Variants in KIF16B observed in about 807,000 individuals in gnomAD.
KIF16B encodes the protein kinesin-like protein KIF16B.
In KIF16B, 98 loss-of-function variants were observed where a neutral mutation model predicts 156.3. The ratio of observed to expected loss-of-function variants is 0.63; its 90% CI spans 0.53 to 0.74. The LOEUF (loss-of-function observed/expected upper bound fraction) is 0.74, where lower values mean the gene tolerates loss of function less well. Ranked by LOEUF, KIF16B falls within the 30% of genes least tolerant of loss-of-function variation. The pLI is 0.00. For synonymous variants in KIF16B, 564 were observed against 583.7 expected (o/e 0.97, Z 0.49); for missense variants, 1,421 against 1,606.5 (o/e 0.88, Z 1.97).
At chr20:16,483,298 C>T (rs1190745886) in intron 12 of KIF16B, among the ~76,000 whole-genome samples, 1 of 152,148 alleles carries the variant, frequency 6.6e-6, no homozygotes, top group Non-Finnish European at 1.5e-5. Flanking sequence ...AGCTAATAAA[C>T]CCCTGTACCA....
Position 16,512,863 on chromosome 20 carries a change from T to C in KIF16B, c.409A>G (p.Thr137Ala). 1 of 1,613,972 alleles carries C rather than the reference T, an allele frequency of 6.2e-7. No homozygotes were observed. The highest frequency in any genetic ancestry group is 8.5e-7 in the Non-Finnish European group (1 of 1,179,862). Reference sequence around the variant, plus strand: ...CGAAAAGAAGCTTCATCCCATCTGGTGGTTTCATTTATCCGACTGAAGAGT... The same window carrying C: ...CGAAAAGAAGCTTCATCCCATCTGGCGGTTTCATTTATCCGACTGAAGAGT... ...EGLFSRINET[T>A]RWDEASFRTE... Residue 137 changes from threonine to alanine, a missense_variant, in exon 5 of 26, where the codon ACC becomes GCC. Thr to Ala is a moderately conservative substitution (Grantham distance 58, BLOSUM62 0). Coordinates refer to ENST00000354981, the MANE Select transcript of KIF16B (RefSeq NM_024704.5).
Position 16,428,933 on chromosome 20 carries a change from T to A in KIF16B, c.1474+20A>T, listed in dbSNP as rs1228619672. 3.7e-6 allele frequency: 6 copies of A among 1,605,150 alleles called. No homozygotes were observed. In the Admixed American group the frequency reaches 6.7e-5, roughly 18 times the overall value. ...ACCTTAAAAAATCATTGGGAACAGATCACTGATAAATATGCTCACCAATAT... is the reference window on the plus strand; with the variant it reads ...ACCTTAAAAAATCATTGGGAACAGAACACTGATAAATATGCTCACCAATAT... On this transcript the variant is annotated intron_variant, in intron 14 of 25. Transcript: ENST00000354981.
intron 25 of KIF16B, among the ~76,000 whole-genome samples, chr20:16,305,418 T>C (rs2073395909): frequency 6.6e-6 from 1 of 152,252 alleles, no homozygotes; most frequent in Non-Finnish European, 1.5e-5. Flanking sequence ...TTTTTATTGA[T>C]ATGCTATAGT....
At chr20:16,537,080 C>G (rs1321186011) in intron 1 of KIF16B, among the ~76,000 whole-genome samples, 3 of 151,802 alleles carry the variant, frequency 2.0e-5, no homozygotes, top group Non-Finnish European at 4.4e-5. Flanking sequence ...GCCTCATCCT[C>G]TCTCACACAC....
chr20:16,345,116 G>A (rs1326525171), intron 23 of KIF16B, among the ~76,000 whole-genome samples: 3 of 152,112 alleles, frequency 2.0e-5, no homozygotes, highest in Admixed American at 6.5e-5. Context: ...TCCACCCATC[G>A]GTCTCAAGCA....
At chr20:16,312,775 C>CTTTTTTTTT (rs11087165) in intron 24 of KIF16B, among the ~76,000 whole-genome samples, 2 of 145,482 alleles carry the variant, frequency 1.4e-5, no homozygotes, top group African/African-American at 2.5e-5. Context: ...TCCTCCCACC[C>CTTTTTTTTT]TTTTTTTTTT....
At chr20:16,416,266 CT>C (rs2066084954) in intron 15 of KIF16B, among the ~76,000 whole-genome samples, 1 of 152,076 alleles carries the variant, frequency 6.6e-6, no homozygotes, top group African/African-American at 2.4e-5. Flanking sequence ...TTGGCAATTT[CT>C]TCATAAAAAT....
At chr20:16,420,226 A>G (rs191541956) in intron 15 of KIF16B, among the ~76,000 whole-genome samples, 3 of 150,938 alleles carry the variant, frequency 2.0e-5, no homozygotes, top group Non-Finnish European at 4.4e-5. Context: ...ACACTAACAG[A>G]TGAAAATATT....
chr20:16,318,377 A>C (rs2063727766), intron 24 of KIF16B, among the ~76,000 whole-genome samples: 1 of 152,188 alleles, frequency 6.6e-6, no homozygotes, highest in Admixed American at 6.5e-5. Flanking sequence ...AAAGAAGTAA[A>C]TAATACACAC....
intron 19 of KIF16B, among the ~76,000 whole-genome samples, chr20:16,375,521 C>T (rs1407058676): frequency 6.6e-6 from 1 of 152,044 alleles, no homozygotes; most frequent in African/African-American, 2.4e-5. Context: ...TTTAACTCAG[C>T]CCTTTCTGGG....
intron 12 of KIF16B, among the ~76,000 whole-genome samples, chr20:16,457,954 A>C (rs569889535): frequency 6.6e-6 from 1 of 152,272 alleles, no homozygotes; most frequent in East Asian, 1.9e-4. Flanking sequence ...AGCATGAGTG[A>C]GAGGAAAATT....
intron 23 of KIF16B, among the ~76,000 whole-genome samples, chr20:16,341,357 A>T (rs1235556472): frequency 6.6e-6 from 1 of 152,174 alleles, no homozygotes; most frequent in Non-Finnish European, 1.5e-5. Flanking sequence ...TATTCCTCTG[A>T]ATTGAGCTTA....
chr20:16,568,670 C>A (rs1336615989), intron 1 of KIF16B, among the ~76,000 whole-genome samples: 2 of 151,850 alleles, frequency 1.3e-5, no homozygotes, highest in Non-Finnish European at 2.9e-5. Context: ...TAAAAATTAG[C>A]CAAGTGTGGT....
At chr20:16,515,269 G>A (rs145262492) in intron 4 of KIF16B, among the ~76,000 whole-genome samples, 40 of 151,988 alleles carry the variant, frequency 2.6e-4, no homozygotes, top group African/African-American at 3.1e-4. Context: ...AATTACTTAC[G>A]GGCCCAACAC....
chr20:16,448,232 C>T (rs1021955612), intron 12 of KIF16B, among the ~76,000 whole-genome samples: 4 of 152,068 alleles, frequency 2.6e-5, no homozygotes, highest in South Asian at 4.1e-4. Flanking sequence ...GTGGAGGTAA[C>T]GGGAAGGGGC....
At chr20:16,322,687 A>G (rs1228532654) in intron 24 of KIF16B, among the ~76,000 whole-genome samples, 1 of 151,978 alleles carries the variant, frequency 6.6e-6, no homozygotes, top group Non-Finnish European at 1.5e-5. Context: ...ATTTTCTTCT[A>G]AGAGTTATCA....
intron 10 of KIF16B, among the ~76,000 whole-genome samples, chr20:16,501,462 A>T (rs2068623576): frequency 6.6e-6 from 1 of 152,124 alleles, no homozygotes; most frequent in African/African-American, 2.4e-5. Flanking sequence ...CTAAAACTGA[A>T]CATATGTACT....
intron 17 of KIF16B, among the ~76,000 whole-genome samples, chr20:16,395,831 G>A (rs1471969971): frequency 1.3e-5 from 2 of 151,998 alleles, no homozygotes; most frequent in Non-Finnish European, 2.9e-5. Context: ...CTCTAAGGAG[G>A]CCCATTTTCA....
intron 12 of KIF16B, among the ~76,000 whole-genome samples, chr20:16,492,734 A>G (rs1465561978): frequency 6.6e-6 from 1 of 152,192 alleles, no homozygotes; most frequent in African/African-American, 2.4e-5. Context: ...CGGAGCTTCC[A>G]TCTTTTCACC....
Sources: allele counts gnomAD v4.1 joint callset (sites outside exome capture counted in the v4.1 genomes callset), GRCh38; gene constraint gnomAD v4.1.1; transcripts MANE v1.5; gene names NCBI Gene and HGNC (gene_info 2026-07-23, HGNC 2026-07-21).